Variants in TBCE observed in about 807,000 individuals in gnomAD.
TBCE encodes the protein tubulin folding cofactor E.
TBCE carries 53 observed loss-of-function variants against 77.0 expected under a neutral mutation model. The ratio of observed to expected loss-of-function variants is 0.69; its 90% CI spans 0.55 to 0.87. TBCE has a LOEUF of 0.87. Among genes scored for constraint, TBCE ranks in the 40% least tolerant of loss-of-function variants. TBCE has a pLI of 0.00. For missense variants in TBCE, 624 were observed against 622.4 expected (o/e 1.00, Z -0.03); for synonymous variants, 235 against 241.3 (o/e 0.97, Z 0.24).
chr1:235,419,599 C>T (rs1177627841), intron 5 of TBCE, 38 bp downstream of exon 5: 1 of 1,612,916 alleles, frequency 6.2e-7, no homozygotes, highest in Middle Eastern at 1.7e-4. Flanking sequence ...TGGAATCTGA[C>T]TATGGATTTT....
intron 3 of TBCE, chr1:235,413,873 T>TA (rs1553336273): frequency 8.9e-6 from 1 of 112,172 alleles, no homozygotes; most frequent in East Asian, 2.9e-4. Context: ...TTTTTTTTTT[T>TA]AGATGGAGTC....
chr1:235,426,921 C>T (rs560131700), intron 5 of TBCE, among the ~76,000 whole-genome samples: 2 of 152,338 alleles, frequency 1.3e-5, no homozygotes, highest in South Asian at 4.1e-4. Context: ...GCCGGGATTA[C>T]AGGCGTGAGC....
chr1:235,410,171 A>AGGCTGAGGCAGGAGAATTGCTTCAACCC (rs1558369101), intron 3 of TBCE, among the ~76,000 whole-genome samples: 5 of 150,412 alleles, frequency 3.3e-5, no homozygotes, highest in African/African-American at 7.4e-5. Flanking sequence ...TGCTTCAACC[A>AGGCTGAGGCAGGAGAATTGCTTCAACCC]GGGAGGCTGA....
chr1:235,437,190 T>A (rs1681516221), intron 11 of TBCE, 132 bp from the exon 12 acceptor site: 2 of 1,038,398 alleles, frequency 1.9e-6, no homozygotes, highest in African/African-American at 1.6e-5. Context: ...CTAGAGGGGA[T>A]TGCTTAGTGC....
intron 5 of TBCE, among the ~76,000 whole-genome samples, chr1:235,421,814 T>G (rs1270200888): frequency 6.6e-6 from 1 of 152,204 alleles, no homozygotes; most frequent in Non-Finnish European, 1.5e-5. Context: ...TAATAACTTT[T>G]GCAAAAAATA....
chr1:235,389,428 A>G (rs754649815), intron 2 of TBCE, among the ~76,000 whole-genome samples: 2 of 152,146 alleles, frequency 1.3e-5, no homozygotes, highest in African/African-American at 4.8e-5. Context: ...CCTGGGTTCA[A>G]GTGATTCTCC....
At position 235,380,161 on chromosome 1, in the gene TBCE, TTGTGTGTGTGTGTGTGTGTGTGTGTG is replaced by T. The variant is rs10524346; in HGVS notation, c.100+40_100+65del. ...CCCTCCCGTGGCAGGTAAGCAATTA[TTGTGTGTGTGTGTGTGTGTGTGTGTG>T]TGTGTGTGTGTGTGTGTGTGTGTGT... is the stretch of plus-strand genomic sequence containing the variant. On this transcript the variant is annotated intron_variant, in intron 2 of 16. Coordinates refer to ENST00000642610, the MANE Select transcript of TBCE (RefSeq NM_003193.5). 1,123 of 1,138,598 alleles carry T rather than the reference TTGTGTGTGTGTGTGTGTGTGTGTGTG, an allele frequency of 9.9e-4. 3 individuals are homozygous for T. Among genetic ancestry groups the T allele is most frequent in the African/African-American group, 8.0e-3 (508 of 63,486 alleles). The allele number at this position is 1,138,598 out of a possible 1,614,324, so 70.5% of individuals were successfully genotyped here. A position where few individuals can be genotyped will look rare whatever the true frequency, so the allele number is the denominator to read the frequency against.
At chr1:235,392,319 C>T (rs1255188150) in intron 2 of TBCE, among the ~76,000 whole-genome samples, 1 of 151,892 alleles carries the variant, frequency 6.6e-6, no homozygotes, top group African/African-American at 2.4e-5. Flanking sequence ...CGTGCCACTG[C>T]ACTCCAGGCT....
intron 3 of TBCE, among the ~76,000 whole-genome samples, chr1:235,413,382 T>A (rs1238878123): frequency 2.1e-5 from 3 of 146,272 alleles, no homozygotes; most frequent in South Asian, 4.3e-4. Context: ...AAAAAAAAAA[T>A]TAGGCGTGGT....
At chr1:235,414,255 T>A (rs1053378339) in intron 3 of TBCE, among the ~76,000 whole-genome samples, 178 bp from the exon 4 acceptor site, 4 of 152,244 alleles carry the variant, frequency 2.6e-5, no homozygotes, top group African/African-American at 7.2e-5. Flanking sequence ...TTGCATAAGA[T>A]CATAACCCTT....
intron 2 of TBCE, among the ~76,000 whole-genome samples, chr1:235,386,894 GT>G (rs1678043941): frequency 6.6e-6 from 1 of 152,108 alleles, no homozygotes; most frequent in Admixed American, 6.6e-5. Flanking sequence ...AGAGTTTCCA[GT>G]TTTTCTGCTC....
At chr1:235,441,353 C>T (rs1363583990) in intron 13 of TBCE, 2 of 233,876 alleles carry the variant, frequency 8.6e-6, no homozygotes, top group South Asian at 6.2e-5. Flanking sequence ...CTGGTGGAAA[C>T]GTGAGAAGTG....
At chr1:235,379,990 T>G (rs193030164) in intron 1 of TBCE, 29 bp from the exon 2 acceptor site, 41 of 1,377,560 alleles carry the variant, frequency 3.0e-5, no homozygotes, top group Admixed American at 2.2e-4. Flanking sequence ...TGTATTAAGT[T>G]CTTATCAGTG....
At chr1:235,420,815 G>A (rs1680359999) in intron 5 of TBCE, among the ~76,000 whole-genome samples, 2 of 152,058 alleles carry the variant, frequency 1.3e-5, no homozygotes, top group African/African-American at 4.8e-5. Flanking sequence ...TAGTAGAGAT[G>A]GGGTTTCGCC....
At chr1:235,448,598 G>GA in intron 16 of TBCE, 72 bp from the exon 17 acceptor site, 1 of 1,417,652 alleles carries the variant, frequency 7.1e-7, no homozygotes, top group Non-Finnish European at 1.0e-6. Context: ...CGGGGTGGGG[G>GA]AAGAGTATGT....
At chr1:235,384,407 G>C (rs1379052571) in intron 2 of TBCE, among the ~76,000 whole-genome samples, 4 of 145,760 alleles carry the variant, frequency 2.7e-5, no homozygotes, top group African/African-American at 1.0e-4. Flanking sequence ...GTTCCTCCTT[G>C]TACCTCTGGT....
intron 2 of TBCE, among the ~76,000 whole-genome samples, chr1:235,398,734 C>T (rs12740363): frequency 0.19 from 22,987 of 122,308 alleles, 2,491 homozygotes; most frequent in African/African-American, 0.34. Context: ...CTCAGCCTTC[C>T]GAGTAGCTGG....
intron 4 of TBCE, among the ~76,000 whole-genome samples, chr1:235,417,637 T>C (rs370617338): frequency 3.3e-5 from 5 of 152,326 alleles, no homozygotes; most frequent in Non-Finnish European, 1.5e-5. Flanking sequence ...CTGTGAGGTA[T>C]TTATTTTGGC....
At chr1:235,419,650 A>C (rs1680288506) in intron 5 of TBCE, 89 bp downstream of exon 5, 3 of 1,558,018 alleles carry the variant, frequency 1.9e-6, no homozygotes, top group Middle Eastern at 3.4e-4. Context: ...CCCATTGTCC[A>C]GTCTTGACAA....
Sources: gnomAD v4.1 joint callset for allele counts (sites outside exome capture counted in the v4.1 genomes callset) on GRCh38, gnomAD v4.1.1 for gene constraint, MANE v1.5 for transcripts, NCBI Gene and HGNC (gene_info 2026-07-23, HGNC 2026-07-21) for gene names.